MED12L: variants seen among roughly 807,000 people sequenced by gnomAD.
MED12L encodes the protein mediator of RNA polymerase II transcription subunit 12-like protein.
Under a neutral mutation model 281.3 loss-of-function variants are expected in MED12L, and 60 were observed. The ratio of observed to expected loss-of-function variants is 0.21; its 90% CI spans 0.17 to 0.26. The LOEUF (loss-of-function observed/expected upper bound fraction) is 0.26. Ranked by LOEUF, MED12L falls within the 10% of genes least tolerant of loss-of-function variation. The pLI, the probability that MED12L is intolerant of heterozygous loss-of-function variation, is 1.00. For synonymous variants in MED12L, 974 were observed against 987.2 expected (o/e 0.99, Z 0.25); for missense variants, 2,146 against 2,680.9 (o/e 0.80, Z 4.41).
chr3:151,141,166 G>GTT (rs750239134), intron 5 of MED12L, among the ~76,000 whole-genome samples: 16 of 98,108 alleles, frequency 1.6e-4, no homozygotes, highest in African/African-American at 7.5e-4. Flanking sequence ...CGTGCCTGGC[G>GTT]TTTTTTTTTT....
intron 16 of MED12L, chr3:151,198,400 A>G: frequency 6.5e-7 from 1 of 1,546,236 alleles, no homozygotes; most frequent in East Asian, 2.3e-5. Context: ...GTAAGGCCAG[A>G]ATTGGTAGCA....
intron 5 of MED12L, among the ~76,000 whole-genome samples, chr3:151,154,316 A>G (rs903199794): frequency 6.6e-6 from 1 of 152,218 alleles, no homozygotes; most frequent in Non-Finnish European, 1.5e-5. Flanking sequence ...ATTGTGGAAT[A>G]GTATATTCAG....
intron 39 of MED12L, among the ~76,000 whole-genome samples, chr3:151,400,483 T>TA (rs1387278728): frequency 6.6e-6 from 1 of 152,176 alleles, no homozygotes; most frequent in Non-Finnish European, 1.5e-5. Context: ...TGTGCCCAGT[T>TA]ATAGCTAGTA....
At chr3:151,127,558 A>T (rs867276482) in intron 4 of MED12L, among the ~76,000 whole-genome samples, 3 of 152,008 alleles carry the variant, frequency 2.0e-5, no homozygotes, top group South Asian at 2.1e-4. Context: ...TCATTTATTT[A>T]AAAAAAATGG....
At chr3:151,289,041 A>C (rs1172737730) in intron 16 of MED12L, among the ~76,000 whole-genome samples, 1 of 152,196 alleles carries the variant, frequency 6.6e-6, no homozygotes, top group Non-Finnish European at 1.5e-5. Context: ...GAGATATTTG[A>C]AAGAGGGTAT....
chr3:151,265,240 C>T (rs748837927), intron 16 of MED12L, among the ~76,000 whole-genome samples: 2 of 152,250 alleles, frequency 1.3e-5, no homozygotes, highest in East Asian at 3.9e-4. Context: ...ATATAATGTA[C>T]GATGCTCTAT....
intron 2 of MED12L, among the ~76,000 whole-genome samples, chr3:151,093,250 G>C (rs999939646): frequency 2.6e-5 from 4 of 152,168 alleles, no homozygotes; most frequent in African/African-American, 7.2e-5. Context: ...GCTGCAGTGA[G>C]CTGTGATCTT....
chr3:151,294,400 C>T, intron 16 of MED12L: 2 of 1,614,070 alleles, frequency 1.2e-6, no homozygotes, highest in Non-Finnish European at 8.5e-7. Flanking sequence ...CATCTAAAAG[C>T]CTGTCTAAGT....
In MED12L at chr3:151,238,468, G is replaced by A. The variant is rs1236654815; in HGVS notation, c.2250+44802G>A. On this transcript the variant is annotated intron_variant, in intron 16 of 44. Coordinates refer to ENST00000687756, the MANE Select transcript of MED12L (RefSeq NM_001393769.1). ...AGCCTGGAACAGTGGTTTTTAAAAT[G>A]TGGTCTGCAGAACCACAGGGGTTCC... Among the ~76,000 whole-genome samples the A allele has an allele frequency of 2.0e-5, 3 of 152,212 alleles. No individual in the cohort carries two copies. The South Asian group carries it at 6.2e-4, about 32-fold the overall frequency.
chr3:151,285,864 A>G (rs1358507559), intron 16 of MED12L, among the ~76,000 whole-genome samples: 1 of 152,130 alleles, frequency 6.6e-6, no homozygotes, highest in Non-Finnish European at 1.5e-5. Context: ...GGCACCATCC[A>G]TGAGGAATAG....
chr3:151,112,922 G>A (rs545370424), intron 2 of MED12L, among the ~76,000 whole-genome samples: 1 of 152,272 alleles, frequency 6.6e-6, no homozygotes, highest in African/African-American at 2.4e-5. Context: ...GAACAGCTGC[G>A]ATGTGTGCTA....
At chr3:151,173,355 A>G (rs1472088034) in intron 11 of MED12L, among the ~76,000 whole-genome samples, 1 of 152,222 alleles carries the variant, frequency 6.6e-6, no homozygotes, top group Non-Finnish European at 1.5e-5. Flanking sequence ...ACTCTTAACT[A>G]GTACGTTCTA....
intron 37 of MED12L, among the ~76,000 whole-genome samples, chr3:151,389,377 CTCT>C (rs963508646): frequency 1.3e-5 from 2 of 152,144 alleles, no homozygotes; most frequent in Non-Finnish European, 2.9e-5. Context: ...GATTTTGTTT[CTCT>C]TCCATCCTCT....
intron 16 of MED12L, among the ~76,000 whole-genome samples, chr3:151,302,208 T>G (rs543565560): frequency 1.3e-5 from 2 of 152,332 alleles, no homozygotes; most frequent in South Asian, 4.1e-4. Context: ...TCGATTAGTG[T>G]CTGCTGGGGT....
intron 39 of MED12L, among the ~76,000 whole-genome samples, chr3:151,399,073 T>C (rs1224353765): frequency 6.6e-6 from 1 of 152,208 alleles, no homozygotes; most frequent in Non-Finnish European, 1.5e-5. Context: ...TTTCTATTTC[T>C]TACTCAATAT....
intron 43 of MED12L, among the ~76,000 whole-genome samples, chr3:151,420,960 A>G (rs1160520324): frequency 6.6e-6 from 1 of 152,186 alleles, no homozygotes; most frequent in Non-Finnish European, 1.5e-5. Context: ...GTCCAATATA[A>G]TCAACCTGCC....
At chr3:151,149,434 G>T (rs965761932) in intron 5 of MED12L, among the ~76,000 whole-genome samples, 8 of 152,144 alleles carry the variant, frequency 5.3e-5, no homozygotes, top group Admixed American at 2.0e-4. Flanking sequence ...GTCAAAAAAA[G>T]TAACATCTTA....
chr3:151,363,063 G>T (rs988293865), intron 21 of MED12L, among the ~76,000 whole-genome samples: 8 of 151,994 alleles, frequency 5.3e-5, no homozygotes, highest in African/African-American at 1.9e-4. Context: ...GTGCAAATAG[G>T]TTAAATGAGG....
rs142228697 is a variant in MED12L, at chr3:151,179,569, C to T, written c.1495-5761C>T. ...TGAGAGGATGGGGTACTGTAATTAC[C>T]CCAAGAAGGGGAAGGAGCAGTAGGG... On this transcript the variant is annotated intron_variant, in intron 11 of 44. Coordinates refer to ENST00000687756, the MANE Select transcript of MED12L (RefSeq NM_001393769.1). Among the ~76,000 whole-genome samples, 5 of 152,210 alleles carry T rather than the reference C, an allele frequency of 3.3e-5. No homozygotes were observed. In the East Asian group the frequency reaches 9.7e-4, roughly 29 times the overall value.
Sources: allele counts gnomAD v4.1 joint callset (sites outside exome capture counted in the v4.1 genomes callset), GRCh38; gene constraint gnomAD v4.1.1; transcripts MANE v1.5; gene names NCBI Gene and HGNC (gene_info 2026-07-23, HGNC 2026-07-21).